The following GDF10 variants were observed in gnomAD, a reference collection of about 807,000 sequenced individuals.
The protein encoded by GDF10 is growth/differentiation factor 10.
Under a neutral mutation model 32.1 loss-of-function variants are expected in GDF10, and 23 were observed. The observed-to-expected ratio is 0.72, with a 90% CI of 0.52 to 1.02. GDF10 has a LOEUF of 1.02. GDF10 is among the 50% of genes least tolerant of loss of function. The pLI is 0.00. For missense variants in GDF10, 764 were observed against 673.9 expected (o/e 1.13, Z -1.48); for synonymous variants, 328 against 303.1 (o/e 1.08, Z -0.85).
intron 2 of GDF10, 56 bp from the exon 3 acceptor site, chr10:47,312,545 T>G: frequency 8.9e-7 from 1 of 1,125,706 alleles, no homozygotes; most frequent in Non-Finnish European, 1.3e-6. Context: ...ATGGCATGGG[T>G]GCGTGGGTGG....
At chr10:47,311,954 C>G (rs2061048015) in intron 2 of GDF10, among the ~76,000 whole-genome samples, 1 of 152,228 alleles carries the variant, frequency 6.6e-6, no homozygotes, top group Non-Finnish European at 1.5e-5. Context: ...CACAGTTTTC[C>G]AAGCCAGGTC....
At position 47,311,939 on chromosome 10, in the gene GDF10, G is replaced by A. The variant is rs557902695; in HGVS notation, c.1246-662G>A. ...ACCCGGTTGGTTCATCTTGTCAGAG[G>A]TGGGCACAGTTTTCCAAGCCAGGTC... On this transcript the variant is annotated intron_variant, in intron 2 of 2. Transcript: ENST00000580279. Among the ~76,000 whole-genome samples, 6 of 152,360 alleles carry A rather than the reference G, an allele frequency of 3.9e-5. No homozygotes were observed. The South Asian group carries it at 1.2e-3, about 32-fold the overall frequency.
chr10:47,311,735 C>T (rs909578890), intron 2 of GDF10, among the ~76,000 whole-genome samples: 12 of 152,214 alleles, frequency 7.9e-5, no homozygotes, highest in Admixed American at 2.0e-4. Flanking sequence ...GTTGGCCATG[C>T]GGTTAGCTTA....
chr10:47,302,568 A>C (rs1214674114), intron 1 of GDF10, among the ~76,000 whole-genome samples: 1 of 152,190 alleles, frequency 6.6e-6, no homozygotes, highest in African/African-American at 2.4e-5. Context: ...TTTTCACAGA[A>C]AGGGGGTAGT....
At position 47,300,578 on chromosome 10, in the gene GDF10, G is replaced by C; in HGVS notation, c.-74G>C. On this transcript the variant is annotated 5_prime_UTR_variant, in exon 1 of 3. Transcript: ENST00000580279. ...CGCGCGCCCTACTGCCGCGAGGTCA[G>C]TCCGCAGCCTCCGGTGCGCCAGCGC... is the stretch of plus-strand genomic sequence containing the variant. 1 of 1,420,156 alleles carries C rather than the reference G, an allele frequency of 7.0e-7. No individual in the cohort carries two copies. Among genetic ancestry groups the C allele is most frequent in the Non-Finnish European group, 9.5e-7 (1 of 1,057,100 alleles). The allele number at this position is 1,420,156 out of a possible 1,614,324, so 88.0% of individuals were successfully genotyped here.
rs138341426 is a variant in GDF10 at position 47,312,040 on chromosome 10, A to G, written c.1246-561A>G. Among the ~76,000 whole-genome samples the G allele has an allele frequency of 3.1e-4, 47 of 151,406 alleles. No individual in the cohort carries two copies. In the East Asian group the frequency reaches 9.0e-3, roughly 29 times the overall value. On this transcript the variant is annotated intron_variant, in intron 2 of 2. Coordinates refer to ENST00000580279, the MANE Select transcript of GDF10 (RefSeq NM_004962.5). ...GTGTCTTCCCAGTAAAGTCCAGGTA[A>G]TACCCACCCCATAAAATTGCTAAGC...
At chr10:47,312,295 T>C (rs543135627) in intron 2 of GDF10, among the ~76,000 whole-genome samples, 278 of 152,278 alleles carry the variant, frequency 1.8e-3, no homozygotes, top group African/African-American at 6.4e-3. Flanking sequence ...CGGGGATGTG[T>C]GACACTCAGG....
intron 1 of GDF10, among the ~76,000 whole-genome samples, chr10:47,301,869 C>T (rs1345355349): frequency 1.3e-5 from 2 of 152,214 alleles, no homozygotes; most frequent in Non-Finnish European, 2.9e-5. Flanking sequence ...CTGCAGTCTA[C>T]AGGCTCCCCT....
rs2061001185 is a variant in GDF10, at chr10:47,300,755, A to G, written c.104A>G (p.His35Arg). ...LLLLRDVAGS[H>R]RAPAWSALPA... ...TTGCTCCGGGATGTGGCCGGCAGCC[A>G]CAGGGCCCCCGCCTGGTCCGCACTG... Residue 35 changes from histidine (H) to arginine (R), a missense_variant, in exon 1 of 3, where the codon CAC (histidine) becomes CGC (arginine). Physicochemically the swap from His to Arg is conservative, Grantham distance 29. Coordinates refer to ENST00000580279, the MANE Select transcript of GDF10 (RefSeq NM_004962.5). 2 of 1,564,486 alleles carry G rather than the reference A, an allele frequency of 1.3e-6. No homozygotes were observed. The highest frequency in any genetic ancestry group is 4.7e-5 in the East Asian group (2 of 42,254).
Position 47,300,947 on chromosome 10 carries a change from T to C in GDF10, c.296T>C (p.Val99Ala). ...QGARPGGGNTVRSFRARLEVV... is the reference protein window; with the variant it reads ...QGARPGGGNTARSFRARLEVV... ...GCGCGGCCGGGAGGGGGCAACACGG[T>C]CCGCAGCTTCAGGGCCAGGCTGGGT... The change falls in exon 1 of 3, where the codon GTC becomes GCC. Residue 99 changes from valine to alanine, a missense_variant. Transcript: ENST00000580279. 2.0e-6 allele frequency: 3 copies of C among 1,515,250 alleles called. No individual in the cohort carries two copies. Among genetic ancestry groups the C allele is most frequent in the Non-Finnish European group, 2.6e-6 (3 of 1,138,436 alleles). The allele number at this position is 1,515,250 out of a possible 1,614,324, so 93.9% of individuals were successfully genotyped here.
rs781787701 is a variant in GDF10, at chr10:47,300,793, G to C, written c.142G>C (p.Asp48His). 2.0e-5 allele frequency: 32 copies of C among 1,566,904 alleles called. No homozygotes were observed. The South Asian group carries it at 3.3e-4, about 16-fold the overall frequency. The change falls in exon 1 of 3, where the codon GAC becomes CAC. Residue 48 changes from aspartate (D) to histidine (H), a missense_variant. Transcript: ENST00000580279. ...PAWSALPAAA[D>H]GLQGDRDLQR... is the part of the protein sequence containing the mutation. The stretch of plus-strand genomic sequence containing the variant: ...CTGGTCCGCACTGCCCGCGGCCGCC[G>C]ACGGCCTGCAGGGGGACAGGGATCT...
intron 1 of GDF10, among the ~76,000 whole-genome samples, chr10:47,308,259 G>A (rs1268552203): frequency 2.0e-5 from 3 of 152,182 alleles, no homozygotes; most frequent in African/African-American, 7.2e-5. Flanking sequence ...TGCAGTCAAG[G>A]CCACATGCTT....
intron 1 of GDF10, among the ~76,000 whole-genome samples, chr10:47,305,474 T>C (rs1411872092): frequency 6.6e-6 from 1 of 152,164 alleles, no homozygotes; most frequent in African/African-American, 2.4e-5. Context: ...AAGTACTAAA[T>C]CTGTGTTAGT....
At chr10:47,310,952 G>T (rs896835406) in intron 2 of GDF10, among the ~76,000 whole-genome samples, 1 of 152,106 alleles carries the variant, frequency 6.6e-6, no homozygotes, top group African/African-American at 2.4e-5. Context: ...TATTGGCTTG[G>T]TTGAATTGGG....
rs2132228425 is a variant in GDF10, at chr10:47,313,262, C to G, written c.*470C>G. On this transcript the variant is annotated 3_prime_UTR_variant, in exon 3 of 3. Coordinates refer to ENST00000580279, the MANE Select transcript of GDF10 (RefSeq NM_004962.5). The stretch of plus-strand genomic sequence containing the variant: ...CGTGGTGTAAATGAGTGTTTCCTTT[C>G]AAAGTCCACTGCAGAGCTTTTATCC... The G allele has an allele frequency of 6.6e-6, 1 of 152,658 alleles. No homozygotes were observed. Among genetic ancestry groups the G allele is most frequent in the South Asian group, 2.1e-4 (1 of 4,828 alleles). 9.5% of individuals were successfully genotyped at this position (152,658 alleles called of 1,614,324 possible).
chr10:47,300,464 C>T lies in GDF10; in HGVS notation c.-188C>T. ...GCCGGGGGCTCGGGCCGCCGGTACC[C>T]ACGGACCGCGCGCCCGGGTGCCTGC... On this transcript the variant is annotated 5_prime_UTR_variant, in exon 1 of 3. Coordinates refer to ENST00000580279, the MANE Select transcript of GDF10 (RefSeq NM_004962.5). 1 of 528,956 alleles carries T rather than the reference C, an allele frequency of 1.9e-6. No individual in the cohort carries two copies. The highest frequency in any genetic ancestry group is 3.5e-5 in the East Asian group (1 of 28,466). The allele number at this position is 528,956 out of a possible 1,614,324, so 32.8% of individuals were successfully genotyped here. A position where few individuals can be genotyped will look rare whatever the true frequency, so the allele number is the denominator to read the frequency against.
chr10:47,303,418 T>C (rs1341966412), intron 1 of GDF10, among the ~76,000 whole-genome samples: 1 of 152,236 alleles, frequency 6.6e-6, no homozygotes, highest in Non-Finnish European at 1.5e-5. Context: ...ATCCCAATTC[T>C]GCGATCTGGG....
Position 47,310,661 on chromosome 10 carries a change from C to T in GDF10, c.1185C>T (p.Ile395=), listed in dbSNP as rs1457032323. Residue 395 remains isoleucine, a synonymous_variant, in exon 2 of 3, where the codon ATC becomes ATT. Transcript: ENST00000580279. ...ACATCGGCTGGAATGAATGGATAAT[C>T]TCACCGAAATCTTTTGATGCCTACT... The part of the protein sequence containing the change: ...FADIGWNEWI[I]SPKSFDAYYC... 4 of 1,613,972 alleles carry T rather than the reference C, an allele frequency of 2.5e-6. No individual in the cohort carries two copies. The African/African-American group carries it at 5.3e-5, about 22-fold the overall frequency.
chr10:47,307,813 G>T (rs1300401766), intron 1 of GDF10, among the ~76,000 whole-genome samples: 2 of 152,244 alleles, frequency 1.3e-5, no homozygotes, highest in African/African-American at 2.4e-5. Flanking sequence ...ATTTGGATCA[G>T]TGAATGCAAG....
Sources: gnomAD v4.1 joint callset for allele counts (sites outside exome capture counted in the v4.1 genomes callset) on GRCh38, gnomAD v4.1.1 for gene constraint, MANE v1.5 for transcripts, NCBI Gene and HGNC (gene_info 2026-07-23, HGNC 2026-07-21) for gene names.